The following RRM2B variants were observed in gnomAD, a reference collection of about 807,000 sequenced individuals.
The protein encoded by RRM2B is ribonucleotide reductase regulatory TP53 inducible subunit M2B.
Under a neutral mutation model 45.9 loss-of-function variants are expected in RRM2B, and 20 were observed. The observed-to-expected ratio is 0.44, with a 90% CI of 0.31 to 0.63. RRM2B has a LOEUF of 0.63. RRM2B is among the 30% of genes least tolerant of loss of function. The probability of loss-of-function intolerance (pLI) is 0.09; values close to 1 mark genes in which losing one functional copy is unlikely to be tolerated. For missense variants in RRM2B, 320 were observed against 414.7 expected (o/e 0.77, Z 1.98); for synonymous variants, 124 against 132.3 (o/e 0.94, Z 0.43).
chr8:102,227,971 AGGGAAATTCT>A (rs557302959), intron 2 of RRM2B, among the ~76,000 whole-genome samples: 160 of 152,336 alleles, frequency 1.1e-3, no homozygotes, highest in African/African-American at 3.7e-3. Flanking sequence ...GACAGGAGGC[AGGGAAATTCT>A]GGGCAGAAGA....
intron 6 of RRM2B, among the ~76,000 whole-genome samples, chr8:102,218,207 A>G (rs1810765427): frequency 6.6e-6 from 1 of 152,220 alleles, no homozygotes; most frequent in African/African-American, 2.4e-5. Flanking sequence ...AGCTGATTCC[A>G]TTACAGTAAA....
chr8:102,210,809 A>C lies in RRM2B; in HGVS notation c.903+1967T>G, dbSNP rs185521621. Reference sequence around the variant, plus strand: ...GAGATAGGGTCTTGCTATATTGCTGAAACTAGTGTGGAACTCCTGGGGTCG... The same window carrying C: ...GAGATAGGGTCTTGCTATATTGCTGCAACTAGTGTGGAACTCCTGGGGTCG... On this transcript the variant is annotated intron_variant, in intron 8 of 8. Transcript: ENST00000251810. Among the ~76,000 whole-genome samples the C allele has an allele frequency of 5.3e-5, 8 of 152,104 alleles. No individual in the cohort carries two copies. The South Asian group carries it at 1.5e-3, about 28-fold the overall frequency.
At chr8:102,223,934 T>A in intron 5 of RRM2B, 112 bp downstream of exon 5, 2 of 805,900 alleles carry the variant, frequency 2.5e-6, no homozygotes, top group Non-Finnish European at 4.4e-6. Context: ...TTGAGACATT[T>A]GTACTCCTTT....
In RRM2B at chr8:102,205,297, T is replaced by G. The variant is rs1434586692; in HGVS notation, c.*2836A>C. 3 of 152,202 alleles carry G rather than the reference T, an allele frequency of 2.0e-5. No homozygotes were observed. The highest frequency in any genetic ancestry group is 7.2e-5 in the African/African-American group (3 of 41,474). 9.4% of individuals were successfully genotyped at this position (152,202 alleles called of 1,614,324 possible). A position where few individuals can be genotyped will look rare whatever the true frequency, so the allele number is the denominator to read the frequency against. On this transcript the variant is annotated 3_prime_UTR_variant, in exon 9 of 9. Coordinates refer to ENST00000251810, the MANE Select transcript of RRM2B (RefSeq NM_015713.5). The stretch of plus-strand genomic sequence containing the variant: ...ATGTAAAATGCAAAATGATTAATTT[T>G]TAAATATGCAAACTGCTACATTTTC...
In RRM2B at chr8:102,208,050, T is replaced by C. The variant is rs1810573120; in HGVS notation, c.*83A>G. 2 of 1,146,492 alleles carry C rather than the reference T, an allele frequency of 1.7e-6. No homozygotes were observed. Among genetic ancestry groups the C allele is most frequent in the African/African-American group, 1.6e-5 (1 of 64,426 alleles). The allele number at this position is 1,146,492 out of a possible 1,614,324, so 71.0% of individuals were successfully genotyped here. Reference sequence around the variant, plus strand: ...CAAACCCCCAGTCCTTTAAAGGATATACTTAAAATTTTTTTTAAGCAGAGG... The same window carrying C: ...CAAACCCCCAGTCCTTTAAAGGATACACTTAAAATTTTTTTTAAGCAGAGG... On this transcript the variant is annotated 3_prime_UTR_variant, in exon 9 of 9. Coordinates refer to ENST00000251810, the MANE Select transcript of RRM2B (RefSeq NM_015713.5).
At chr8:102,236,712 A>C (rs1317175185) in intron 1 of RRM2B, among the ~76,000 whole-genome samples, 2 of 152,246 alleles carry the variant, frequency 1.3e-5, no homozygotes, top group African/African-American at 4.8e-5. Flanking sequence ...TTATAGCCGC[A>C]CAGGTGTAAA....
In RRM2B at chr8:102,225,026, G is replaced by A. The variant is rs1288791381; in HGVS notation, c.322-8C>T. On this transcript the variant is annotated splice_region_variant and splice_polypyrimidine_tract_variant and intron_variant, in intron 3 of 8. Transcript: ENST00000251810. ...CTGACTAAAGCGCTCCACCTAAGAA[G>A]ATAAGGAAAATAGATATATCCAGTT... 4.3e-6 allele frequency: 7 copies of A among 1,613,810 alleles called. No homozygotes were observed. Among genetic ancestry groups the A allele is most frequent in the South Asian group, 2.2e-5 (2 of 91,032 alleles).
intron 2 of RRM2B, among the ~76,000 whole-genome samples, chr8:102,231,328 G>C (rs1198232954): frequency 6.6e-6 from 1 of 152,172 alleles, no homozygotes; most frequent in East Asian, 1.9e-4. Context: ...CTGAGGGCAG[G>C]GCCAAACTGG....
chr8:102,213,246 G>A (rs1284999942), intron 7 of RRM2B, among the ~76,000 whole-genome samples: 1 of 151,890 alleles, frequency 6.6e-6, no homozygotes, highest in Non-Finnish European at 1.5e-5. Context: ...TCATCATGAA[G>A]AACATGACTA....
In RRM2B at chr8:102,228,435, G is replaced by A. The variant is rs555297798; in HGVS notation, c.205-2401C>T. Among the ~76,000 whole-genome samples the A allele has an allele frequency of 5.4e-4, 82 of 152,190 alleles. 1 individual carries two copies. Among genetic ancestry groups the A allele is most frequent in the Non-Finnish European group, 2.1e-4 (14 of 68,034 alleles). ...TTTTTCCTGGATGCTGAACAAGAGCGTGGGTGCCACAGGTGTGGATGCTAA... is the reference window on the plus strand; with the variant it reads ...TTTTTCCTGGATGCTGAACAAGAGCATGGGTGCCACAGGTGTGGATGCTAA... On this transcript the variant is annotated intron_variant, in intron 2 of 8. Coordinates refer to ENST00000251810, the MANE Select transcript of RRM2B (RefSeq NM_015713.5).
rs1587186290 is a variant in RRM2B, at chr8:102,232,438, T to C, written c.49-134A>G. 3.6e-6 allele frequency: 3 copies of C among 840,974 alleles called. No individual in the cohort carries two copies. In the East Asian group the frequency reaches 7.6e-5, roughly 21 times the overall value. 52.1% of individuals were successfully genotyped at this position (840,974 alleles called of 1,614,324 possible). A position where few individuals can be genotyped will look rare whatever the true frequency, so the allele number is the denominator to read the frequency against. Reference sequence around the variant, plus strand: ...GTCTGCCTGGGTTGAATCCTTACTGTTACCTGGTAGCTGACTAATACTGTT... The same window carrying C: ...GTCTGCCTGGGTTGAATCCTTACTGCTACCTGGTAGCTGACTAATACTGTT... On this transcript the variant is annotated intron_variant, in intron 1 of 8. Coordinates refer to ENST00000251810, the MANE Select transcript of RRM2B (RefSeq NM_015713.5).
chr8:102,227,825 A>G (rs1205747993), intron 2 of RRM2B, among the ~76,000 whole-genome samples: 1 of 152,128 alleles, frequency 6.6e-6, no homozygotes, highest in African/African-American at 2.4e-5. Flanking sequence ...TAGCAGAGAG[A>G]GAGAGATCAT....
In RRM2B at chr8:102,238,897, C is replaced by A; in HGVS notation, c.-23G>T. 1.2e-6 allele frequency: 2 copies of A among 1,608,544 alleles called. No individual in the cohort carries two copies. Among genetic ancestry groups the A allele is most frequent in the Non-Finnish European group, 1.7e-6 (2 of 1,179,730 alleles). ...CATCGCGCAGACTCCGCCGAAGCTA[C>A]GGGCGCTGAGGGAACTGAGCTCCTC... On this transcript the variant is annotated 5_prime_UTR_variant, in exon 1 of 9. Transcript: ENST00000251810.
intron 2 of RRM2B, among the ~76,000 whole-genome samples, chr8:102,229,665 G>T (rs1824194): frequency 0.035 from 5,307 of 152,064 alleles, 155 homozygotes; most frequent in Admixed American, 0.083. Context: ...GCTCACTGCA[G>T]CCTCTGCTAC....
At chr8:102,209,135 G>A (rs184750199) in intron 8 of RRM2B, among the ~76,000 whole-genome samples, 1 of 152,162 alleles carries the variant, frequency 6.6e-6, no homozygotes, top group Non-Finnish European at 1.5e-5. Context: ...GGGCAACAGA[G>A]TAAGACTCCA....
chr8:102,210,531 C>T (rs974055326), intron 8 of RRM2B, among the ~76,000 whole-genome samples: 4 of 152,008 alleles, frequency 2.6e-5, no homozygotes, highest in African/African-American at 4.8e-5. Context: ...GGCACAATCT[C>T]GGCTCACTGC....
intron 1 of RRM2B, among the ~76,000 whole-genome samples, chr8:102,233,033 G>A (rs546975152): frequency 5.3e-5 from 8 of 152,260 alleles, no homozygotes; most frequent in African/African-American, 1.4e-4. Context: ...TTAAAATAGC[G>A]GGAACATCAG....
intron 7 of RRM2B, among the ~76,000 whole-genome samples, chr8:102,213,581 T>C (rs1810672176): frequency 6.6e-6 from 1 of 152,176 alleles, no homozygotes. Flanking sequence ...TAGCTCTTTC[T>C]AGTAAGAAAT....
chr8:102,213,116 C>T lies in RRM2B; in HGVS notation c.790-227G>A, dbSNP rs29000273. On this transcript the variant is annotated intron_variant, in intron 7 of 8. Coordinates refer to ENST00000251810, the MANE Select transcript of RRM2B (RefSeq NM_015713.5). ...TTCGAAGAGCCAAAATAAATGGAAA[C>T]GAACTACCAAATTACTGGATTTCTT... Among the ~76,000 whole-genome samples, 1,323 of 152,096 alleles carry T rather than the reference C, an allele frequency of 8.7e-3. 21 individuals are homozygous for T. Among genetic ancestry groups the T allele is most frequent in the African/African-American group, 0.031 (1,281 of 41,498 alleles).
Sources: gnomAD v4.1 joint callset for allele counts (sites outside exome capture counted in the v4.1 genomes callset) on GRCh38, gnomAD v4.1.1 for gene constraint, MANE v1.5 for transcripts, NCBI Gene and HGNC (gene_info 2026-07-23, HGNC 2026-07-21) for gene names.